Variants in UBR3 observed in about 807,000 individuals in gnomAD.
UBR3 encodes the protein ubiquitin protein ligase E3 component n-recognin 3, also known as E3 ubiquitin-protein ligase UBR3.
A neutral mutation model predicts 243.2 loss-of-function variants in UBR3; 85 were observed. That is an observed-to-expected ratio of 0.35 (90% CI 0.29 to 0.42). The LOEUF is 0.42. Ranked by LOEUF, UBR3 falls within the 10% of genes least tolerant of loss-of-function variation. The probability of loss-of-function intolerance (pLI) is 1.00; values close to 1 mark genes in which losing one functional copy is unlikely to be tolerated. For synonymous variants in UBR3, 748 were observed against 799.8 expected, an observed-to-expected ratio of 0.94 and a Z score of 1.09; for missense variants, 1,686 against 2,300.8, an observed-to-expected ratio of 0.73 and a Z score of 5.47.
At chr2:170,021,512 A>T (rs1371083374) in intron 30 of UBR3, among the ~76,000 whole-genome samples, 2 of 152,106 alleles carry the variant, frequency 1.3e-5, no homozygotes, top group Non-Finnish European at 2.9e-5. Flanking sequence ...AATCCCATTC[A>T]TGAGGGCTTC....
intron 26 of UBR3, among the ~76,000 whole-genome samples, chr2:170,000,381 C>T (rs1214869435): frequency 6.6e-6 from 1 of 152,142 alleles, no homozygotes; most frequent in Non-Finnish European, 1.5e-5. Flanking sequence ...TCTCCCACTC[C>T]GTGGGATATA....
At chr2:169,928,591 C>G in intron 17 of UBR3, 136 bp from the exon 18 acceptor site, 1 of 532,698 alleles carries the variant, frequency 1.9e-6, no homozygotes, top group East Asian at 2.9e-5. Context: ...ATTATATAGC[C>G]CTCTTGTGGC....
At chr2:169,911,570 TAGGAG>T (rs1262740559) in intron 10 of UBR3, among the ~76,000 whole-genome samples, 1 of 151,920 alleles carries the variant, frequency 6.6e-6, no homozygotes, top group Non-Finnish European at 1.5e-5. Flanking sequence ...AGTGGGAAAA[TAGGAG>T]AGAGACAATC....
At chr2:169,845,680 G>A (rs967109641) in intron 1 of UBR3, among the ~76,000 whole-genome samples, 1 of 151,062 alleles carries the variant, frequency 6.6e-6, no homozygotes, top group Admixed American at 6.6e-5. Flanking sequence ...CCATCTCCCG[G>A]GTTCAAGCGA....
chr2:170,075,821 T>A (rs573480120), intron 36 of UBR3, among the ~76,000 whole-genome samples: 2 of 152,198 alleles, frequency 1.3e-5, no homozygotes, highest in East Asian at 1.9e-4. Context: ...AATTACTACT[T>A]CTGAATTTTT....
At position 170,015,261 on chromosome 2, in the gene UBR3, A is replaced by G; in HGVS notation, c.4368-20A>G. 6.3e-7 allele frequency: 1 copy of G among 1,587,696 alleles called. No individual in the cohort carries two copies. Among genetic ancestry groups the G allele is most frequent in the East Asian group, 2.2e-5 (1 of 44,606 alleles). On this transcript the variant is annotated intron_variant, in intron 29 of 38. Coordinates refer to ENST00000272793, the MANE Select transcript of UBR3 (RefSeq NM_172070.4). ...AAGAATCTTCAGTTTAATGACTGAG[A>G]TATAATGTTTTACTTACAGAACCAA...
chr2:169,874,574 T>G (rs1306989545), intron 2 of UBR3, among the ~76,000 whole-genome samples: 6 of 152,172 alleles, frequency 3.9e-5, no homozygotes, highest in African/African-American at 1.4e-4. Context: ...GATCTTGTGG[T>G]TTCCCAATTT....
intron 35 of UBR3, among the ~76,000 whole-genome samples, chr2:170,064,803 A>ATTTTTTTTTTTTTTTTTTTTTTTTTTTTT: frequency 2.3e-5 from 2 of 87,874 alleles, no homozygotes; most frequent in Non-Finnish European, 4.5e-5. Flanking sequence ...TGCTTTTTCT[A>ATTTTTTTTTTTTTTTTTTTTTTTTTTTTT]TTTTTTTTTT....
intron 35 of UBR3, among the ~76,000 whole-genome samples, chr2:170,072,246 A>G (rs1380753142): frequency 2.0e-5 from 3 of 152,210 alleles, no homozygotes; most frequent in African/African-American, 4.8e-5. Flanking sequence ...GCAGCCATAA[A>G]AAAGGATGAG....
chr2:169,840,688 G>A (rs1358945804), intron 1 of UBR3, among the ~76,000 whole-genome samples: 1 of 152,146 alleles, frequency 6.6e-6, no homozygotes, highest in Admixed American at 6.5e-5. Context: ...CTGCTGACCT[G>A]CCCTGTGACA....
At chr2:170,024,411 C>T (rs1049789303) in intron 30 of UBR3, among the ~76,000 whole-genome samples, 6 of 150,366 alleles carry the variant, frequency 4.0e-5, no homozygotes, top group Admixed American at 6.6e-5. Context: ...ACACAGTTTC[C>T]GGGATGGTAC....
intron 26 of UBR3, among the ~76,000 whole-genome samples, chr2:169,995,203 A>G (rs2089436273): frequency 6.6e-6 from 1 of 152,144 alleles, no homozygotes; most frequent in Non-Finnish European, 1.5e-5. Flanking sequence ...GAACCCGCAT[A>G]TTTGTTATTG....
intron 9 of UBR3, 79 bp downstream of exon 9, chr2:169,905,372 A>T: frequency 9.2e-7 from 1 of 1,090,478 alleles, no homozygotes; most frequent in Middle Eastern, 2.8e-4. Flanking sequence ...ATTAAAATAC[A>T]ATAGCACATC....
intron 33 of UBR3, among the ~76,000 whole-genome samples, chr2:170,056,685 A>G (rs1357449758): frequency 6.6e-6 from 1 of 152,220 alleles, no homozygotes; most frequent in Non-Finnish European, 1.5e-5. Context: ...ACTTGTATCA[A>G]AGGAGAGAAA....
Position 170,061,085 on chromosome 2 carries a change from T to C in UBR3, c.4792T>C (p.Cys1598Arg), listed in dbSNP as rs759968417. The C allele has an allele frequency of 7.0e-6, 11 of 1,566,480 alleles. No individual in the cohort carries two copies. The South Asian group carries it at 8.6e-5, about 12-fold the overall frequency. ...KHAGALKKST[C>R]DAEKSYEVLL... ...AATATTTTAATTTTTTCAGAGTACA[T>C]GTGATGCAGAAAAGTCTTACGAAGT... is the stretch of plus-strand genomic sequence containing the variant. The change falls in exon 34 of 39, where the codon TGT becomes CGT. Residue 1598 changes from cysteine to arginine, a missense_variant. Transcript: ENST00000272793.
chr2:169,957,878 A>G (rs1325330145), intron 23 of UBR3, among the ~76,000 whole-genome samples: 1 of 152,184 alleles, frequency 6.6e-6, no homozygotes, highest in African/African-American at 2.4e-5. Flanking sequence ...ACATTCTTTT[A>G]CTTTATACAA....
rs1559160099 is a variant in UBR3 at position 169,986,630 on chromosome 2, A to C, written c.3635-15A>C. On this transcript the variant is annotated splice_polypyrimidine_tract_variant and intron_variant, in intron 24 of 38. Transcript: ENST00000272793. ...CCTCCTAAGGAATTAAAGAGATGTA[A>C]CTTTTTTCCCTCAGATTCTCCTGAG... 6.3e-7 allele frequency: 1 copy of C among 1,598,908 alleles called. No individual in the cohort carries two copies. The highest frequency in any genetic ancestry group is 2.2e-5 in the East Asian group (1 of 44,686).
intron 8 of UBR3, among the ~76,000 whole-genome samples, chr2:169,902,275 G>GTT (rs2105331561): frequency 6.6e-6 from 1 of 152,214 alleles, no homozygotes; most frequent in African/African-American, 2.4e-5. Flanking sequence ...TCAAACCATG[G>GTT]CCATCTCTAA....
chr2:169,967,272 C>A (rs1220181648), intron 24 of UBR3, among the ~76,000 whole-genome samples: 1 of 145,052 alleles, frequency 6.9e-6, no homozygotes, highest in Non-Finnish European at 1.5e-5. Flanking sequence ...CCCGCCCCCC[C>A]CCACACACAG....
Sources: gnomAD v4.1 joint callset for allele counts (sites outside exome capture counted in the v4.1 genomes callset) on GRCh38, gnomAD v4.1.1 for gene constraint, MANE v1.5 for transcripts, NCBI Gene and HGNC (gene_info 2026-07-23, HGNC 2026-07-21) for gene names.